The following ADAMTSL3 variants were observed in gnomAD, a reference collection of about 807,000 sequenced individuals.
ADAMTSL3 encodes the protein ADAMTS-like protein 3.
In ADAMTSL3, 128 loss-of-function variants were observed where a neutral mutation model predicts 201.7. That is an observed-to-expected ratio of 0.63 (90% CI 0.55 to 0.73). ADAMTSL3 has a LOEUF of 0.73. ADAMTSL3 is among the 30% of genes least tolerant of loss of function. The probability of loss-of-function intolerance (pLI) is 0.00; values close to 1 mark genes in which losing one functional copy is unlikely to be tolerated. For missense variants in ADAMTSL3, 1,990 were observed against 2,119.6 expected (o/e 0.94, Z 1.20); for synonymous variants, 738 against 748.4 (o/e 0.99, Z 0.23).
chr15:83,668,462 G>A (rs2061280084), intron 2 of ADAMTSL3, among the ~76,000 whole-genome samples: 1 of 151,506 alleles, frequency 6.6e-6, no homozygotes, highest in Admixed American at 6.6e-5. Flanking sequence ...ATCAGGACAT[G>A]ATATAAACAA....
At chr15:83,731,167 T>A (rs28814055) in intron 3 of ADAMTSL3, among the ~76,000 whole-genome samples, 1 of 152,094 alleles carries the variant, frequency 6.6e-6, no homozygotes, top group East Asian at 1.9e-4. Flanking sequence ...ACTGTTTTGA[T>A]TACTGTATGT....
At chr15:83,928,869 T>A (rs2066296842) in intron 17 of ADAMTSL3, among the ~76,000 whole-genome samples, 1 of 152,158 alleles carries the variant, frequency 6.6e-6, no homozygotes, top group African/African-American at 2.4e-5. Flanking sequence ...TTGAGTGGAA[T>A]CACATAAAGT....
At position 83,674,754 on chromosome 15, in the gene ADAMTSL3, C is replaced by T. The variant is rs1393203772; in HGVS notation, c.69+18924C>T. Among the ~76,000 whole-genome samples, 461 of 99,182 alleles carry T rather than the reference C, an allele frequency of 4.6e-3. 6 individuals are homozygous for T. The highest frequency in any genetic ancestry group is 5.8e-3 in the Admixed American group (51 of 8,800). The allele number at this position is 99,182 out of a possible 152,430, so 65.1% of individuals were successfully genotyped here. On this transcript the variant is annotated intron_variant, in intron 2 of 29. Transcript: ENST00000286744. ...ATATACACACATATATACATATATA[C>T]ACACATATATACATATATATATATA...
intron 6 of ADAMTSL3, among the ~76,000 whole-genome samples, chr15:83,833,678 G>A (rs1051067509): frequency 6.6e-6 from 1 of 152,184 alleles, no homozygotes. Context: ...CTGAAAATGA[G>A]ATATAATTCG....
At chr15:83,977,284 A>G (rs963328449) in intron 20 of ADAMTSL3, among the ~76,000 whole-genome samples, 1 of 150,302 alleles carries the variant, frequency 6.7e-6, no homozygotes, top group African/African-American at 2.5e-5. Context: ...TTGTGGAAAA[A>G]CTGTTTTCTA....
At chr15:83,700,950 A>T (rs886200209) in intron 2 of ADAMTSL3, among the ~76,000 whole-genome samples, 1 of 152,140 alleles carries the variant, frequency 6.6e-6, no homozygotes, top group Non-Finnish European at 1.5e-5. Flanking sequence ...TGACAGAATG[A>T]TGTTGATTTC....
intron 2 of ADAMTSL3, among the ~76,000 whole-genome samples, chr15:83,687,153 A>T (rs1423809960): frequency 6.6e-6 from 1 of 152,176 alleles, no homozygotes; most frequent in Non-Finnish European, 1.5e-5. Context: ...GCAGTGAGCT[A>T]TGATTGTACC....
chr15:83,827,832 G>A (rs558022134), intron 6 of ADAMTSL3, among the ~76,000 whole-genome samples: 139 of 151,842 alleles, frequency 9.2e-4, no homozygotes, highest in African/African-American at 3.2e-3. Flanking sequence ...GGTTGTAGAT[G>A]TGTGGTATTA....
At chr15:83,997,902 T>C (rs889780361) in intron 23 of ADAMTSL3, among the ~76,000 whole-genome samples, 7 of 152,104 alleles carry the variant, frequency 4.6e-5, no homozygotes, top group Non-Finnish European at 8.8e-5. Context: ...CATTGGTCCT[T>C]TGCAGGAATC....
chr15:83,677,321 T>A (rs1414276603), intron 2 of ADAMTSL3, among the ~76,000 whole-genome samples: 1 of 152,246 alleles, frequency 6.6e-6, no homozygotes, highest in Non-Finnish European at 1.5e-5. Context: ...AGTTCTTCTA[T>A]AATCTTGCTG....
rs557464008 is a variant in ADAMTSL3, at chr15:84,034,055, G to A, written c.4754+2623G>A. Among the ~76,000 whole-genome samples the A allele has an allele frequency of 3.9e-5, 6 of 152,216 alleles. No individual in the cohort carries two copies. The South Asian group carries it at 1.0e-3, about 26-fold the overall frequency. ...ATTTCTGTTTCCTCCAGGATTGGCT[G>A]TTCTGTTTTTATAACCTGATGCTTT... On this transcript the variant is annotated intron_variant, in intron 28 of 29. Transcript: ENST00000286744.
rs143565805 is a variant in ADAMTSL3, at chr15:83,800,884, T to C, written c.318-3766T>C. On this transcript the variant is annotated intron_variant, in intron 4 of 29. Transcript: ENST00000286744. ...ATTTCAATTACTTCTTCACTTTTCCTATTATTTATTTTCTTCTTTTGTTCA... is the reference window on the plus strand; with the variant it reads ...ATTTCAATTACTTCTTCACTTTTCCCATTATTTATTTTCTTCTTTTGTTCA... Among the ~76,000 whole-genome samples, 444 of 152,332 alleles carry C rather than the reference T, an allele frequency of 2.9e-3. 2 individuals carry two copies. Among genetic ancestry groups the C allele is most frequent in the Non-Finnish European group, 4.5e-3 (308 of 68,026 alleles).
intron 2 of ADAMTSL3, among the ~76,000 whole-genome samples, chr15:83,659,865 G>C (rs1322681315): frequency 6.6e-6 from 1 of 152,186 alleles, no homozygotes; most frequent in African/African-American, 2.4e-5. Flanking sequence ...ACCTCTAGAA[G>C]TTGGAAGAGA....
intron 2 of ADAMTSL3, chr15:83,694,214 T>C: frequency 6.6e-6 from 1 of 152,210 alleles, no homozygotes; most frequent in East Asian, 1.9e-4. Context: ...TTCTGGTAGC[T>C]CTCACAAACA....
At chr15:83,926,627 T>C (rs1361482342) in intron 17 of ADAMTSL3, among the ~76,000 whole-genome samples, 1 of 151,882 alleles carries the variant, frequency 6.6e-6, no homozygotes. Flanking sequence ...TTTTTTTTTT[T>C]TTTGAGACGG....
intron 16 of ADAMTSL3, among the ~76,000 whole-genome samples, chr15:83,917,569 C>A (rs1449569826): frequency 1.3e-5 from 2 of 152,012 alleles, no homozygotes; most frequent in Admixed American, 1.3e-4. Flanking sequence ...TTTTTAGTAC[C>A]CTCTGGTAAG....
At chr15:83,784,984 A>G (rs1056870771) in intron 4 of ADAMTSL3, among the ~76,000 whole-genome samples, 5 of 152,214 alleles carry the variant, frequency 3.3e-5, no homozygotes, top group African/African-American at 1.2e-4. Context: ...GTGTGCACAC[A>G]AGCAGCATTA....
chr15:83,975,065 G>A (rs187739413), intron 20 of ADAMTSL3, among the ~76,000 whole-genome samples: 32 of 144,018 alleles, frequency 2.2e-4, no homozygotes, highest in African/African-American at 8.0e-4. Context: ...GCAGTGGCGC[G>A]ATCTCAGCTC....
chr15:83,890,770 C>G (rs927402744), intron 11 of ADAMTSL3: 1 of 154,334 alleles, frequency 6.5e-6, no homozygotes, highest in Non-Finnish European at 1.4e-5. Flanking sequence ...ACTACAATAC[C>G]TTAAAATAAC....
Sources: gnomAD v4.1 joint callset for allele counts (sites outside exome capture counted in the v4.1 genomes callset) on GRCh38, gnomAD v4.1.1 for gene constraint, MANE v1.5 for transcripts, NCBI Gene and HGNC (gene_info 2026-07-23, HGNC 2026-07-21) for gene names.